GPC1: variants seen among roughly 807,000 people sequenced by gnomAD.
GPC1 encodes glypican-1.
Under a neutral mutation model 51.5 loss-of-function variants are expected in GPC1, and 26 were observed. That is an observed-to-expected ratio of 0.50 (90% CI 0.37 to 0.70). GPC1 has a LOEUF of 0.70. GPC1 is among the 30% of genes least tolerant of loss of function. The pLI is 0.00. For missense variants in GPC1, 775 were observed against 800.5 expected, an observed-to-expected ratio of 0.97 and a Z score of 0.38; for synonymous variants, 380 against 348.3, an observed-to-expected ratio of 1.09 and a Z score of -1.01.
At chr2:240,438,107 G>A (rs1488528020) in intron 1 of GPC1, among the ~76,000 whole-genome samples, 1 of 152,214 alleles carries the variant, frequency 6.6e-6, no homozygotes, top group South Asian at 2.1e-4. Context: ...ACGCCCTGCA[G>A]CTGTCTAACC....
At chr2:240,437,299 C>T (rs1351701398) in intron 1 of GPC1, among the ~76,000 whole-genome samples, 3 of 152,174 alleles carry the variant, frequency 2.0e-5, no homozygotes, top group Admixed American at 6.5e-5. Context: ...GGACCCCTGC[C>T]CCTCCAGGAG....
chr2:240,439,502 C>T lies in GPC1; in HGVS notation c.166+3418C>T, dbSNP rs772552092. ...GCCTACCAGCTGGAGCGGGCACCAG[C>T]GTGCCCTGGAGCCTGTACCAAGCAC... On this transcript the variant is annotated intron_variant, in intron 1 of 8. Transcript: ENST00000264039. Among the ~76,000 whole-genome samples, 5 of 152,336 alleles carry T rather than the reference C, an allele frequency of 3.3e-5. No homozygotes were observed. The South Asian group carries it at 8.3e-4, about 25-fold the overall frequency.
chr2:240,446,478 G>A (rs916281099), intron 1 of GPC1, among the ~76,000 whole-genome samples: 4 of 152,198 alleles, frequency 2.6e-5, no homozygotes, highest in African/African-American at 9.6e-5. Flanking sequence ...AAAGGGGTGT[G>A]ACATGCAGGA....
Position 240,466,639 on chromosome 2 carries a change from G to A in GPC1, c.*349G>A, listed in dbSNP as rs1383314660. On this transcript the variant is annotated 3_prime_UTR_variant, in exon 9 of 9. Coordinates refer to ENST00000264039, the MANE Select transcript of GPC1 (RefSeq NM_002081.3). ...TACAGAGGAGGCCTCAAAGCAACCCGCTGGAGCCCACAGCGAGCCTGTGCC... is the reference window on the plus strand; with the variant it reads ...TACAGAGGAGGCCTCAAAGCAACCCACTGGAGCCCACAGCGAGCCTGTGCC... The A allele has an allele frequency of 3.3e-5, 8 of 242,130 alleles. No individual in the cohort carries two copies. Among genetic ancestry groups the A allele is most frequent in the Non-Finnish European group, 5.5e-5 (7 of 126,880 alleles). 15.0% of individuals were successfully genotyped at this position (242,130 alleles called of 1,614,324 possible). A position where few individuals can be genotyped will look rare whatever the true frequency, so the allele number is the denominator to read the frequency against.
chr2:240,446,742 G>A (rs1282567350), intron 1 of GPC1, among the ~76,000 whole-genome samples: 1 of 152,208 alleles, frequency 6.6e-6, no homozygotes, highest in African/African-American at 2.4e-5. Context: ...CTGGGTCCTG[G>A]AGCACTGGGG....
At chr2:240,454,516 C>T (rs1378821864) in intron 1 of GPC1, among the ~76,000 whole-genome samples, 2 of 152,220 alleles carry the variant, frequency 1.3e-5, no homozygotes, top group African/African-American at 2.4e-5. Context: ...GCCCCGTTGC[C>T]GGGTGCAGAG....
intron 2 of GPC1, among the ~76,000 whole-genome samples, chr2:240,461,337 A>C (rs1162783732): frequency 1.3e-5 from 2 of 152,176 alleles, no homozygotes; most frequent in African/African-American, 4.8e-5. Context: ...GCTACCCTGG[A>C]GCACCTTGTG....
intron 1 of GPC1, among the ~76,000 whole-genome samples, chr2:240,445,883 G>T (rs368031971): frequency 1.4e-4 from 22 of 152,272 alleles, no homozygotes; most frequent in Non-Finnish European, 1.8e-4. Context: ...GGCCCGTTGC[G>T]GCTCCTGTGA....
At chr2:240,449,604 C>T (rs565844409) in intron 1 of GPC1, 123 of 256,696 alleles carry the variant, frequency 4.8e-4, no homozygotes, top group African/African-American at 2.0e-3. Context: ...TTTTCAGTGG[C>T]GTTCAGTCCA....
chr2:240,441,198 G>C (rs2074014624), intron 1 of GPC1, among the ~76,000 whole-genome samples: 1 of 152,280 alleles, frequency 6.6e-6, no homozygotes, highest in Non-Finnish European at 1.5e-5. Flanking sequence ...CCGAACCGCA[G>C]GGCTGCACAT....
chr2:240,465,620 C>T lies in GPC1; in HGVS notation c.1416C>T (p.Asn472=), dbSNP rs145749556. The T allele has an allele frequency of 6.1e-5, 98 of 1,612,932 alleles. No homozygotes were observed. In the African/African-American group the frequency reaches 1.0e-3, roughly 17 times the overall value. ...CCAACCGGCTGCGCAGCGCCTACAA[C>T]GGCAACGACGTGGACTTCCAGGACG... The part of the protein sequence containing the change: ...IMTNRLRSAY[N]GNDVDFQDAS... The change falls in exon 8 of 9, where the codon AAC becomes AAT. Residue 472 remains asparagine, a synonymous_variant. Coordinates refer to ENST00000264039, the MANE Select transcript of GPC1 (RefSeq NM_002081.3).
chr2:240,446,092 C>T (rs1398581551), intron 1 of GPC1, among the ~76,000 whole-genome samples: 2 of 152,244 alleles, frequency 1.3e-5, no homozygotes, highest in East Asian at 1.9e-4. Context: ...TCCGGCTGAC[C>T]TGAGCAGCAA....
In GPC1 at chr2:240,462,432, G is replaced by A. The variant is rs1396314288; in HGVS notation, c.567G>A (p.Leu189=). Residue 189 remains leucine, a synonymous_variant, in exon 3 of 9, where the codon CTG becomes CTA. Transcript: ENST00000264039. ...HPQLLLPDDY[L]DCLGKQAEAL... ...AGCTGCTGCTGCCTGATGACTACCT[G>A]GACTGCCTGGGCAAGCAGGCCGAGG... The A allele has an allele frequency of 6.2e-7, 1 of 1,605,850 alleles. No individual in the cohort carries two copies. The highest frequency in any genetic ancestry group is 1.1e-5 in the South Asian group (1 of 90,124).
At chr2:240,456,000 G>A (rs2074157309) in intron 1 of GPC1, 3 of 430,650 alleles carry the variant, frequency 7.0e-6, no homozygotes, top group South Asian at 1.6e-5. Context: ...GGGGCTCCCA[G>A]GCCGGCGCCC....
intron 1 of GPC1, chr2:240,453,046 G>A: frequency 2.9e-6 from 1 of 340,896 alleles, no homozygotes; most frequent in Non-Finnish European, 5.7e-6. Flanking sequence ...CCGCCGCGCT[G>A]GAAGCCAGGC....
chr2:240,462,017 C>T (rs562709012), intron 2 of GPC1, among the ~76,000 whole-genome samples, 174 bp from the exon 3 acceptor site: 10 of 152,146 alleles, frequency 6.6e-5, no homozygotes, highest in South Asian at 2.1e-4. Context: ...GGTGAGGTCT[C>T]GGGGCGCCCC....
chr2:240,456,666 C>T (rs1022113166), intron 1 of GPC1: 4 of 469,890 alleles, frequency 8.5e-6, no homozygotes, highest in Admixed American at 2.4e-5. Context: ...GGCCCCATCA[C>T]AGCCCACACC....
At chr2:240,441,615 G>A (rs930658978) in intron 1 of GPC1, among the ~76,000 whole-genome samples, 1 of 152,234 alleles carries the variant, frequency 6.6e-6, no homozygotes, top group African/African-American at 2.4e-5. Context: ...CCGGGATCTT[G>A]CCCACTTTAC....
intron 5 of GPC1, 35 bp from the exon 6 acceptor site, chr2:240,464,821 C>G (rs776254677): frequency 6.4e-7 from 1 of 1,563,582 alleles, no homozygotes; most frequent in African/African-American, 1.4e-5. Flanking sequence ...TGAGGGGCCC[C>G]ACTACCCCCC....
Sources: gnomAD v4.1 joint callset for allele counts (sites outside exome capture counted in the v4.1 genomes callset) on GRCh38, gnomAD v4.1.1 for gene constraint, MANE v1.5 for transcripts, NCBI Gene and HGNC (gene_info 2026-07-23, HGNC 2026-07-21) for gene names.